Variants in REXO5 observed in about 807,000 individuals in gnomAD.
The protein encoded by REXO5 is exonuclease NEF-sp.
REXO5 carries 48 observed loss-of-function variants against 88.5 expected under a neutral mutation model. The observed-to-expected ratio is 0.54, with a 90% CI of 0.43 to 0.69. The LOEUF is 0.69. Among genes scored for constraint, REXO5 ranks in the 30% least tolerant of loss-of-function variants. The pLI is 0.00. For synonymous variants in REXO5, 311 were observed against 336.5 expected (o/e 0.92, Z 0.83); for missense variants, 749 against 912.2 (o/e 0.82, Z 2.30).
At chr16:20,809,330 TATC>T (rs1313813626) in intron 2 of REXO5, among the ~76,000 whole-genome samples, 5 of 152,202 alleles carry the variant, frequency 3.3e-5, no homozygotes, top group Non-Finnish European at 7.3e-5. Context: ...ACCATGGATA[TATC>T]ATGACCATCT....
At chr16:20,837,600 T>G (rs1300633443) in intron 13 of REXO5, among the ~76,000 whole-genome samples, 1 of 152,226 alleles carries the variant, frequency 6.6e-6, no homozygotes, top group East Asian at 1.9e-4. Flanking sequence ...TATTCTTTCT[T>G]GACAACTTGT....
At chr16:20,835,179 T>G (rs144553321) in intron 13 of REXO5, among the ~76,000 whole-genome samples, 1 of 152,222 alleles carries the variant, frequency 6.6e-6, no homozygotes, top group Non-Finnish European at 1.5e-5. Context: ...TTCTTTTCTT[T>G]TCTTTCTTAT....
intron 13 of REXO5, among the ~76,000 whole-genome samples, chr16:20,837,352 A>G (rs2085888025): frequency 6.6e-6 from 1 of 152,066 alleles, no homozygotes; most frequent in Non-Finnish European, 1.5e-5. Flanking sequence ...GCCCCTTTCA[A>G]TATTTAGGTT....
At chr16:20,812,654 T>C (rs1177512829) in intron 2 of REXO5, among the ~76,000 whole-genome samples, 1 of 152,218 alleles carries the variant, frequency 6.6e-6, no homozygotes, top group African/African-American at 2.4e-5. Context: ...ATCTGGCTCC[T>C]GCTTCCCTCT....
intron 18 of REXO5, among the ~76,000 whole-genome samples, chr16:20,845,692 G>T (rs1475665665): frequency 6.6e-6 from 1 of 151,908 alleles, no homozygotes; most frequent in Non-Finnish European, 1.5e-5. Context: ...TAACTACATT[G>T]AGCCTATGAT....
In REXO5 at chr16:20,844,653, A is replaced by T. The variant is rs2081579475; in HGVS notation, c.1744A>T (p.Thr582Ser). 6.2e-7 allele frequency: 1 copy of T among 1,614,188 alleles called. No individual in the cohort carries two copies. The highest frequency in any genetic ancestry group is 8.5e-7 in the Non-Finnish European group (1 of 1,180,020). ...IKVQRPVTEL[T>S]LDCDTLVNEL... is the part of the protein sequence containing the mutation. ...GGTGCAGAGGCCTGTGACAGAGCTC[A>T]CGCTTGATTGTGACACCCTCGTGAA... Residue 582 changes from threonine (T) to serine (S), a missense_variant, in exon 17 of 20, where the codon ACG becomes TCG. Physicochemically the swap from Thr to Ser is moderately conservative, Grantham distance 58 (BLOSUM62 1). Transcript: ENST00000261377.
intron 4 of REXO5, among the ~76,000 whole-genome samples, chr16:20,815,544 T>TTTC (rs3050140): frequency 0.62 from 94,182 of 151,740 alleles, 30,329 homozygotes; most frequent in Non-Finnish European, 0.72. Flanking sequence ...GGGTCACCAT[T>TTTC]TTTTTTGCTT....
chr16:20,820,511 TTTATATATATATA>T (rs1371025423), intron 5 of REXO5, among the ~76,000 whole-genome samples: 2 of 25,962 alleles, frequency 7.7e-5, no homozygotes, highest in Non-Finnish European at 1.6e-4. Flanking sequence ...GTTCTCTCTC[TTTATATATATATA>T]TATATATATA....
chr16:20,827,909 G>A (rs1409008850), intron 10 of REXO5, among the ~76,000 whole-genome samples: 2 of 152,080 alleles, frequency 1.3e-5, no homozygotes, highest in Non-Finnish European at 2.9e-5. Flanking sequence ...TTTGTGATAT[G>A]AACACCTCTC....
chr16:20,820,784 G>A, intron 5 of REXO5, among the ~76,000 whole-genome samples: 1 of 150,910 alleles, frequency 6.6e-6, no homozygotes, highest in Non-Finnish European at 1.5e-5. Context: ...GGCTGGTCTT[G>A]AACTCCTGAC....
At chr16:20,822,529 T>C (rs1008667730) in intron 6 of REXO5, among the ~76,000 whole-genome samples, 2 of 152,242 alleles carry the variant, frequency 1.3e-5, no homozygotes, top group African/African-American at 4.8e-5. Flanking sequence ...ACCACAATTT[T>C]AGAACACTTC....
chr16:20,846,745 G>A (rs558218070), intron 19 of REXO5, among the ~76,000 whole-genome samples: 1 of 152,164 alleles, frequency 6.6e-6, no homozygotes. Context: ...TGTTTTAAGA[G>A]ATAACAGGGC....
In REXO5 at chr16:20,827,397, A is replaced by G; in HGVS notation, c.1005A>G (p.Arg335=). ...TTGATACATCGTTGCTTTATGTCAG[A>G]GAGCAGGGCAGAAGATTTAAGCTCA... ...YVIDTSLLYV[R]EQGRRFKLKF... Residue 335 remains arginine (R), a synonymous_variant, in exon 10 of 20, where the codon AGA becomes AGG. Transcript: ENST00000261377. 6.2e-7 allele frequency: 1 copy of G among 1,613,664 alleles called. No individual in the cohort carries two copies. Among genetic ancestry groups the G allele is most frequent in the Non-Finnish European group, 8.5e-7 (1 of 1,179,890 alleles).
intron 6 of REXO5, among the ~76,000 whole-genome samples, chr16:20,823,196 A>G (rs990028342): frequency 6.6e-6 from 1 of 152,192 alleles, no homozygotes; most frequent in Non-Finnish European, 1.5e-5. Flanking sequence ...AGAACTGTCT[A>G]TTCAGATCCT....
chr16:20,840,493 A>G, intron 15 of REXO5, 25 bp downstream of exon 15: 1 of 1,533,356 alleles, frequency 6.5e-7, no homozygotes, highest in Non-Finnish European at 8.9e-7. Context: ...TTCAGATTTC[A>G]TTTTCTAGAT....
intron 5 of REXO5, among the ~76,000 whole-genome samples, 177 bp from the exon 6 acceptor site, chr16:20,821,585 C>T (rs1175007181): frequency 1.3e-5 from 2 of 152,206 alleles, no homozygotes; most frequent in African/African-American, 4.8e-5. Flanking sequence ...TGAGCCACTG[C>T]ACCCTGCCTT....
intron 13 of REXO5, among the ~76,000 whole-genome samples, chr16:20,835,748 T>C (rs1420905850): frequency 6.6e-6 from 1 of 152,044 alleles, no homozygotes; most frequent in African/African-American, 2.4e-5. Flanking sequence ...TTCACAACAA[T>C]ATTAAATGGA....
chr16:20,827,565 TG>T (rs1215167934), intron 10 of REXO5, 118 bp downstream of exon 10: 4 of 726,584 alleles, frequency 5.5e-6, no homozygotes, highest in Admixed American at 2.8e-5. Flanking sequence ...GCTTTAAACA[TG>T]TTTTTTTGCA....
intron 5 of REXO5, 72 bp from the exon 6 acceptor site, chr16:20,821,690 A>C (rs1225609551): frequency 1.4e-6 from 2 of 1,401,570 alleles, no homozygotes; most frequent in African/African-American, 1.4e-5. Context: ...TAGCCTATAC[A>C]ACCTTAGGAG....
Sources: allele counts gnomAD v4.1 joint callset (sites outside exome capture counted in the v4.1 genomes callset), GRCh38; gene constraint gnomAD v4.1.1; transcripts MANE v1.5; gene names NCBI Gene and HGNC (gene_info 2026-07-23, HGNC 2026-07-21).